Variants in NEGR1 observed in about 807,000 individuals in gnomAD.
NEGR1 encodes IgLON family member 4.
In NEGR1, 10 loss-of-function variants were observed where a neutral mutation model predicts 40.9. The ratio of observed to expected loss-of-function variants is 0.24; its 90% confidence interval spans 0.15 to 0.42. The LOEUF (loss-of-function observed/expected upper bound fraction) is 0.42, where lower values mean the gene tolerates loss of function less well. NEGR1 is among the 10% of genes least tolerant of loss of function. The pLI is 1.00. For missense variants in NEGR1, 352 were observed against 438.9 expected (o/e 0.80, Z 1.77); for synonymous variants, 185 against 166.8 (o/e 1.11, Z -0.84).
chr1:72,234,166 T>C (rs1478501887), intron 1 of NEGR1, among the ~76,000 whole-genome samples: 3 of 152,054 alleles, frequency 2.0e-5, no homozygotes, highest in East Asian at 1.9e-4. Flanking sequence ...CACCAGTGTG[T>C]GTTGTTCTCC....
intron 6 of NEGR1, among the ~76,000 whole-genome samples, chr1:71,512,468 T>C (rs1557551093): frequency 7.9e-6 from 1 of 126,326 alleles, no homozygotes; most frequent in Non-Finnish European, 1.7e-5. Context: ...TACATTCAAT[T>C]GTGCACCACA....
rs566841255 is a variant in NEGR1 at position 71,815,544 on chromosome 1, T to C, written c.410-39247A>G. On this transcript the variant is annotated intron_variant, in intron 2 of 6. Coordinates refer to ENST00000357731, the MANE Select transcript of NEGR1 (RefSeq NM_173808.3). Reference sequence around the variant, plus strand: ...CACTATTGTTGTGTGGGAACCTAAGTCTCTTTTTAGGTCTCTAAAAACTTG... The same window carrying C: ...CACTATTGTTGTGTGGGAACCTAAGCCTCTTTTTAGGTCTCTAAAAACTTG... Among the ~76,000 whole-genome samples the C allele has an allele frequency of 1.0e-3, 157 of 152,190 alleles. 1 individual carries two copies. The highest frequency in any genetic ancestry group is 1.8e-3 in the Admixed American group (28 of 15,282).
intron 2 of NEGR1, among the ~76,000 whole-genome samples, chr1:71,884,961 A>G (rs1046494261): frequency 6.6e-6 from 1 of 152,212 alleles, no homozygotes; most frequent in Non-Finnish European, 1.5e-5. Context: ...AATCAGTGCC[A>G]GGTGCTTTCT....
At chr1:71,856,150 A>G (rs1659753758) in intron 2 of NEGR1, among the ~76,000 whole-genome samples, 1 of 152,096 alleles carries the variant, frequency 6.6e-6, no homozygotes. Flanking sequence ...AATGAGTGAA[A>G]AATAGTGTCC....
intron 6 of NEGR1, among the ~76,000 whole-genome samples, chr1:71,420,748 A>G (rs1311856065): frequency 6.6e-6 from 1 of 152,060 alleles, no homozygotes; most frequent in African/African-American, 2.4e-5. Flanking sequence ...CTTTTCCAGA[A>G]TATTGCACTG....
At chr1:72,132,532 T>A (rs370144613) in intron 1 of NEGR1, among the ~76,000 whole-genome samples, 1 of 152,228 alleles carries the variant, frequency 6.6e-6, no homozygotes, top group East Asian at 1.9e-4. Context: ...ATGAAGAATG[T>A]GATGGTGAAG....
chr1:72,142,737 A>G (rs1483496876), intron 1 of NEGR1, among the ~76,000 whole-genome samples: 1 of 151,762 alleles, frequency 6.6e-6, no homozygotes, highest in Non-Finnish European at 1.5e-5. Flanking sequence ...ACTGAGGCAG[A>G]ATTTAGTTTT....
chr1:71,800,877 C>CA (rs1657531954), intron 2 of NEGR1, among the ~76,000 whole-genome samples: 1 of 152,104 alleles, frequency 6.6e-6, no homozygotes, highest in Admixed American at 6.6e-5. Flanking sequence ...AGAAAAACAA[C>CA]AAAAAACCTC....
At chr1:72,131,597 T>C (rs955141524) in intron 1 of NEGR1, among the ~76,000 whole-genome samples, 2 of 152,200 alleles carry the variant, frequency 1.3e-5, no homozygotes, top group Non-Finnish European at 2.9e-5. Flanking sequence ...GATAACAAGA[T>C]AATTTTCAGT....
intron 6 of NEGR1, among the ~76,000 whole-genome samples, chr1:71,495,346 A>G (rs1454816595): frequency 1.3e-5 from 2 of 151,918 alleles, no homozygotes; most frequent in Non-Finnish European, 2.9e-5. Context: ...GCATGGTGGC[A>G]CAGGCCTGTC....
At chr1:72,043,768 C>T (rs984064331) in intron 1 of NEGR1, among the ~76,000 whole-genome samples, 9 of 151,832 alleles carry the variant, frequency 5.9e-5, no homozygotes, top group Middle Eastern at 3.4e-3. Context: ...ATTGAATTCG[C>T]GGGGAAAAGC....
At chr1:72,214,917 T>G (rs1653744788) in intron 1 of NEGR1, among the ~76,000 whole-genome samples, 1 of 150,200 alleles carries the variant, frequency 6.7e-6, no homozygotes, top group Non-Finnish European at 1.5e-5. Context: ...GCCAATACAA[T>G]CCTAAGCAAA....
intron 1 of NEGR1, among the ~76,000 whole-genome samples, chr1:72,195,776 T>G (rs1570107341): frequency 6.6e-6 from 1 of 152,024 alleles, no homozygotes; most frequent in Non-Finnish European, 1.5e-5. Flanking sequence ...ATATACACCT[T>G]GTAAGATACT....
At chr1:71,734,416 A>C (rs1654983778) in intron 3 of NEGR1, among the ~76,000 whole-genome samples, 1 of 152,184 alleles carries the variant, frequency 6.6e-6, no homozygotes, top group Non-Finnish European at 1.5e-5. Flanking sequence ...AAGGCTATTG[A>C]CTTATTTTAT....
intron 2 of NEGR1, among the ~76,000 whole-genome samples, chr1:71,840,394 TATATC>T (rs1461974934): frequency 2.6e-5 from 4 of 152,136 alleles, no homozygotes; most frequent in Non-Finnish European, 4.4e-5. Context: ...AAAAAAAAGA[TATATC>T]TAATAAGTAG....
At chr1:71,749,212 C>A (rs1474961178) in intron 3 of NEGR1, among the ~76,000 whole-genome samples, 2 of 152,128 alleles carry the variant, frequency 1.3e-5, no homozygotes, top group African/African-American at 4.8e-5. Flanking sequence ...ATCACTATTA[C>A]TGAGGTATCA....
chr1:71,686,060 CA>C (rs1653026577), intron 4 of NEGR1, among the ~76,000 whole-genome samples: 1 of 151,572 alleles, frequency 6.6e-6, no homozygotes, highest in Non-Finnish European at 1.5e-5. Flanking sequence ...CTATGACTCA[CA>C]AAATTTGCAA....
chr1:71,618,381 G>A (rs1039482920), intron 4 of NEGR1, among the ~76,000 whole-genome samples: 2 of 152,092 alleles, frequency 1.3e-5, no homozygotes, highest in African/African-American at 4.8e-5. Context: ...ATCTCCATAA[G>A]TTCTGGATTA....
At chr1:71,659,281 C>A (rs1651977667) in intron 4 of NEGR1, among the ~76,000 whole-genome samples, 1 of 152,120 alleles carries the variant, frequency 6.6e-6, no homozygotes, top group African/African-American at 2.4e-5. Flanking sequence ...AGGCTTGAAA[C>A]TCAGACCGCT....
Sources: gnomAD v4.1 joint callset for allele counts (sites outside exome capture counted in the v4.1 genomes callset) on GRCh38, gnomAD v4.1.1 for gene constraint, MANE v1.5 for transcripts, NCBI Gene and HGNC (gene_info 2026-07-23, HGNC 2026-07-21) for gene names.